Variants in TNS3 observed in about 807,000 individuals in gnomAD.
The protein encoded by TNS3 is tensin-3.
In TNS3, 45 loss-of-function variants were observed where a neutral mutation model predicts 140.9. The observed-to-expected ratio is 0.32, with a 90% confidence interval of 0.25 to 0.41. The LOEUF (loss-of-function observed/expected upper bound fraction) is 0.41. TNS3 is among the 10% of genes least tolerant of loss of function. The probability of loss-of-function intolerance (pLI) is 1.00; values close to 1 mark genes in which losing one functional copy is unlikely to be tolerated. For synonymous variants in TNS3, 815 were observed against 788.4 expected, an observed-to-expected ratio of 1.03 and a Z score of -0.56; for missense variants, 1,716 against 1,906.7, an observed-to-expected ratio of 0.90 and a Z score of 1.86.
intron 8 of TNS3, among the ~76,000 whole-genome samples, chr7:47,433,055 TGAG>T (rs1023878790): frequency 6.6e-6 from 1 of 151,286 alleles, no homozygotes; most frequent in Admixed American, 6.6e-5. Context: ...TGTGGAGGGG[TGAG>T]GAGGAGACTG....
chr7:47,397,767 CT>C (rs1288567954), intron 15 of TNS3, among the ~76,000 whole-genome samples: 1 of 152,046 alleles, frequency 6.6e-6, no homozygotes, highest in Non-Finnish European at 1.5e-5. Flanking sequence ...CATGTCACAC[CT>C]CAAGGAACTA....
chr7:47,466,354 G>A (rs1445124448), intron 4 of TNS3, among the ~76,000 whole-genome samples: 1 of 152,026 alleles, frequency 6.6e-6, no homozygotes, highest in African/African-American at 2.4e-5. Flanking sequence ...GTTTCACCAT[G>A]TTGGCCAGGC....
intron 27 of TNS3, among the ~76,000 whole-genome samples, chr7:47,284,315 G>A (rs1785299585): frequency 6.6e-6 from 1 of 152,178 alleles, no homozygotes; most frequent in South Asian, 2.1e-4. Context: ...ACAACCATGA[G>A]GGAAGCATGT....
At chr7:47,533,123 A>ATATATATATATT (rs1186427934) in intron 1 of TNS3, among the ~76,000 whole-genome samples, 13 of 88,818 alleles carry the variant, frequency 1.5e-4, no homozygotes, top group African/African-American at 8.1e-4. Context: ...ATATATATAT[A>ATATATATATATT]TTTTTTTTTT....
chr7:47,434,617 T>C (rs558854628), intron 8 of TNS3, among the ~76,000 whole-genome samples: 36 of 152,192 alleles, frequency 2.4e-4, no homozygotes, highest in African/African-American at 7.7e-4. Context: ...TACAAAGCAG[T>C]TGAGAAAACT....
chr7:47,313,108 A>T (rs995973399), intron 20 of TNS3, among the ~76,000 whole-genome samples: 23 of 152,116 alleles, frequency 1.5e-4, no homozygotes, highest in African/African-American at 5.1e-4. Context: ...CCACAGGGAG[A>T]CTTGCTTCAT....
rs1358810898 is a variant in TNS3 at position 47,283,825 on chromosome 7, G to A, written c.3969C>T (p.Ser1323=). The A allele has an allele frequency of 1.2e-6, 2 of 1,610,178 alleles. No individual in the cohort carries two copies. Among genetic ancestry groups the A allele is most frequent in the East Asian group, 2.2e-5 (1 of 44,600 alleles). Residue 1323 remains serine, a synonymous_variant, in exon 28 of 31, where the codon TCC becomes TCT. Transcript: ENST00000311160. ...VWYLNSVEME[S]LTGHQAIQKA... ...TCTGGATCGCCTGGTGGCCGGTGAGGGACTCCATCTCCACAGAGTTCAAGT... is the reference window on the plus strand; with the variant it reads ...TCTGGATCGCCTGGTGGCCGGTGAGAGACTCCATCTCCACAGAGTTCAAGT...
At chr7:47,402,015 A>G (rs532865358) in intron 13 of TNS3, among the ~76,000 whole-genome samples, 3 of 152,312 alleles carry the variant, frequency 2.0e-5, no homozygotes, top group Non-Finnish European at 4.4e-5. Context: ...AAAATATCAC[A>G]TGCCTCACAA....
chr7:47,496,250 G>A (rs1798003145), intron 3 of TNS3, among the ~76,000 whole-genome samples: 1 of 152,118 alleles, frequency 6.6e-6, no homozygotes, highest in South Asian at 2.1e-4. Flanking sequence ...CAGGATGTGA[G>A]CTCACACAGG....
chr7:47,401,499 G>A (rs1488581944), intron 13 of TNS3, among the ~76,000 whole-genome samples: 1 of 152,190 alleles, frequency 6.6e-6, no homozygotes, highest in Non-Finnish European at 1.5e-5. Flanking sequence ...GAGGGTGTTG[G>A]CATTTAGACA....
chr7:47,381,251 A>T (rs1791740858), intron 16 of TNS3, among the ~76,000 whole-genome samples: 1 of 152,162 alleles, frequency 6.6e-6, no homozygotes. Context: ...TTTGCCACAC[A>T]TGCTCCATCT....
intron 17 of TNS3, among the ~76,000 whole-genome samples, chr7:47,358,230 CCA>C (rs1790110755): frequency 6.6e-6 from 1 of 152,100 alleles, no homozygotes; most frequent in African/African-American, 2.4e-5. Flanking sequence ...CTCTGTCTCC[CCA>C]GTTCCAGTGA....
At chr7:47,428,224 C>A in intron 9 of TNS3, 88 bp downstream of exon 9, 1 of 1,009,136 alleles carries the variant, frequency 9.9e-7, no homozygotes, top group South Asian at 3.3e-5. Flanking sequence ...CCTTGGTATC[C>A]AGAACAGCTC....
chr7:47,429,488 C>T (rs369438932), intron 8 of TNS3, among the ~76,000 whole-genome samples: 8 of 152,168 alleles, frequency 5.3e-5, no homozygotes, highest in African/African-American at 1.9e-4. Context: ...CTGCCTCAGC[C>T]TCCCAAGTAG....
chr7:47,535,951 G>A (rs916567221), intron 1 of TNS3, among the ~76,000 whole-genome samples: 4 of 152,202 alleles, frequency 2.6e-5, no homozygotes, highest in African/African-American at 9.7e-5. Context: ...AGGCATTCAG[G>A]CACCTGGGAA....
chr7:47,495,404 G>A (rs1432700302), intron 3 of TNS3, among the ~76,000 whole-genome samples: 1 of 152,164 alleles, frequency 6.6e-6, no homozygotes, highest in East Asian at 1.9e-4. Flanking sequence ...GGCAGCGTCT[G>A]GGGCAGGGGC....
At chr7:47,349,355 A>G (rs2151017990) in intron 17 of TNS3, among the ~76,000 whole-genome samples, 1 of 152,368 alleles carries the variant, frequency 6.6e-6, no homozygotes, top group Middle Eastern at 3.4e-3. Flanking sequence ...AAGCAGAACT[A>G]CATGCCTCTC....
At chr7:47,496,579 C>G (rs879664083) in intron 3 of TNS3, among the ~76,000 whole-genome samples, 8 of 152,214 alleles carry the variant, frequency 5.3e-5, no homozygotes, top group Non-Finnish European at 1.2e-4. Context: ...CCGGCCAGAA[C>G]GTGTTTCAAG....
intron 8 of TNS3, among the ~76,000 whole-genome samples, chr7:47,430,851 GC>G (rs1794896615): frequency 6.6e-6 from 1 of 152,058 alleles, no homozygotes; most frequent in Non-Finnish European, 1.5e-5. Context: ...CTCCCGAGTA[GC>G]TGGGAATACA....
Sources: gnomAD v4.1 joint callset for allele counts (sites outside exome capture counted in the v4.1 genomes callset) on GRCh38, gnomAD v4.1.1 for gene constraint, MANE v1.5 for transcripts, NCBI Gene and HGNC (gene_info 2026-07-23, HGNC 2026-07-21) for gene names.